Variants in CAPN2 observed in about 807,000 individuals in gnomAD.
CAPN2 encodes the protein calpain-2 catalytic subunit.
In CAPN2, 92 loss-of-function variants were observed where a neutral mutation model predicts 102.3. That is an observed-to-expected ratio of 0.90 (90% CI 0.76 to 1.07). CAPN2 has a LOEUF of 1.07. Ranked by LOEUF, CAPN2 falls within the 50% of genes least tolerant of loss-of-function variation. The pLI, the probability that CAPN2 is intolerant of heterozygous loss-of-function variation, is 0.00. For missense variants in CAPN2, 800 were observed against 909.4 expected (o/e 0.88, Z 1.55); for synonymous variants, 340 against 355.4 (o/e 0.96, Z 0.49).
At chr1:223,773,580 G>A (rs1383023014) in intron 20 of CAPN2, among the ~76,000 whole-genome samples, 1 of 152,140 alleles carries the variant, frequency 6.6e-6, no homozygotes, top group Non-Finnish European at 1.5e-5. Context: ...GTTAATCCCA[G>A]CTACTCGGGA....
chr1:223,720,411 G>A (rs1267124615), intron 2 of CAPN2, among the ~76,000 whole-genome samples: 1 of 149,204 alleles, frequency 6.7e-6, no homozygotes, highest in Non-Finnish European at 1.5e-5. Context: ...GGCCTCCTGG[G>A]CTCGAGTGAT....
intron 2 of CAPN2, among the ~76,000 whole-genome samples, chr1:223,723,681 G>A (rs1179199232): frequency 6.6e-6 from 1 of 151,924 alleles, no homozygotes; most frequent in Non-Finnish European, 1.5e-5. Context: ...TCATCAACAG[G>A]TCCAGGTGAA....
At position 223,749,070 on chromosome 1, in the gene CAPN2, C is replaced by A; in HGVS notation, c.761C>A (p.Thr254Lys). The change falls in exon 6 of 21, where the codon ACG becomes AAG. Residue 254 changes from threonine to lysine, a missense_variant. Transcript: ENST00000295006. ...ITSAADSEAITFQKLVKGHAY... is the reference protein window; with the variant it reads ...ITSAADSEAIKFQKLVKGHAY... ...AGCGCCGCGGACTCGGAGGCCATCACGTTTCAGAAGCTGGTGAAGGGGCAC... is the reference window on the plus strand; with the variant it reads ...AGCGCCGCGGACTCGGAGGCCATCAAGTTTCAGAAGCTGGTGAAGGGGCAC... The A allele has an allele frequency of 6.2e-7, 1 of 1,614,126 alleles. No homozygotes were observed. The highest frequency in any genetic ancestry group is 1.1e-5 in the South Asian group (1 of 91,086).
At chr1:223,768,100 AG>A (rs1661382385) in intron 16 of CAPN2, among the ~76,000 whole-genome samples, 1 of 151,904 alleles carries the variant, frequency 6.6e-6, no homozygotes, top group African/African-American at 2.4e-5. Flanking sequence ...GCCCTTTGTC[AG>A]ATAAGCAGGT....
intron 3 of CAPN2, 145 bp from the exon 4 acceptor site, chr1:223,745,161 G>C (rs1660722060): frequency 2.0e-6 from 2 of 1,000,038 alleles, no homozygotes; most frequent in Admixed American, 4.8e-5. Context: ...GCCTGCATAG[G>C]AGAGTTAAGG....
chr1:223,702,885 A>G, intron 1 of CAPN2, among the ~76,000 whole-genome samples: 1 of 152,322 alleles, frequency 6.6e-6, no homozygotes, highest in African/African-American at 2.4e-5. Context: ...AAGGTGGAAG[A>G]AAAACCAGGA....
chr1:223,755,424 C>T lies in CAPN2; in HGVS notation c.1136-56C>T. On this transcript the variant is annotated intron_variant, in intron 9 of 20. Transcript: ENST00000295006. The surrounding 1 kb of genome is among the most constrained non-coding windows in gnomAD (Gnocchi z 4.1). The stretch of plus-strand genomic sequence containing the variant: ...CCAAGCCTGAGACCAGGGCCACCCC[C>T]CACCCCCATGCATTCCTGCTCAGGG... 6.3e-7 allele frequency: 1 copy of T among 1,592,562 alleles called. No individual in the cohort carries two copies. The highest frequency in any genetic ancestry group is 8.6e-7 in the Non-Finnish European group (1 of 1,164,584).
Position 223,771,924 on chromosome 1 carries a change from CAGTA to C in CAPN2, c.2020+3_2020+6del, listed in dbSNP as rs777409428. On this transcript the variant is annotated splice_donor_variant and splice_donor_region_variant and coding_sequence_variant and intron_variant, in exon 19 of 21. Transcript: ENST00000295006. LOFTEE classifies it high-confidence loss of function. Reference sequence around the variant, plus strand: ...GTTTGGTTCGGCTGGAAACGCTATTCAGTAAGTGGATATTTGGGGAATGACTCAT... The same window carrying C: ...GTTTGGTTCGGCTGGAAACGCTATTCAGTGGATATTTGGGGAATGACTCAT... The C allele has an allele frequency of 4.4e-6, 7 of 1,596,590 alleles. No homozygotes were observed. Among genetic ancestry groups the C allele is most frequent in the Non-Finnish European group, 6.0e-6 (7 of 1,164,166 alleles).
Position 223,755,196 on chromosome 1 carries a change from A to G in CAPN2, c.1136-284A>G, listed in dbSNP as rs985819917. ...TGACCATCTTCTGCCATCCTCTGCC[A>G]TCTCCCACCATCTCCCACTGTCTCC... On this transcript the variant is annotated intron_variant, in intron 9 of 20. Coordinates refer to ENST00000295006, the MANE Select transcript of CAPN2 (RefSeq NM_001748.5). The surrounding 1 kb of genome is among the most constrained non-coding windows in gnomAD (Gnocchi z 4.1). Among the ~76,000 whole-genome samples the G allele has an allele frequency of 6.6e-6, 1 of 151,362 alleles. No individual in the cohort carries two copies. The highest frequency in any genetic ancestry group is 1.5e-5 in the Non-Finnish European group (1 of 67,820).
Position 223,767,783 on chromosome 1 carries a change from T to C in CAPN2, c.1755+1352T>C, listed in dbSNP as rs1429927593. The stretch of plus-strand genomic sequence containing the variant: ...TCGCCACACTGACTTCCACAATGGT[T>C]GAACTAGTTTACAGTCCCACCAACA... On this transcript the variant is annotated intron_variant, in intron 16 of 20. Coordinates refer to ENST00000295006, the MANE Select transcript of CAPN2 (RefSeq NM_001748.5). 9.4e-5 allele frequency among the ~76,000 whole-genome samples: 14 copies of C among 148,202 alleles called. No homozygotes were observed. In the East Asian group the frequency reaches 2.5e-3, roughly 26 times the overall value.
intron 2 of CAPN2, among the ~76,000 whole-genome samples, chr1:223,730,010 CAA>C (rs57382658): frequency 5.1e-5 from 4 of 79,054 alleles, no homozygotes; most frequent in African/African-American, 1.4e-4. Flanking sequence ...CCCAAAAAAC[CAA>C]AAAAAAAAAA....
chr1:223,742,744 C>T (rs1272414728), intron 2 of CAPN2, among the ~76,000 whole-genome samples: 2 of 152,082 alleles, frequency 1.3e-5, no homozygotes, highest in African/African-American at 2.4e-5. Flanking sequence ...CAGTGTCGAG[C>T]TCCTGTGCTC....
rs1660160115 is a variant in CAPN2, at chr1:223,725,265, C to G, written c.307+7434C>G. Among the ~76,000 whole-genome samples, 1 of 152,022 alleles carries G rather than the reference C, an allele frequency of 6.6e-6. No individual in the cohort carries two copies. Among genetic ancestry groups the G allele is most frequent in the African/African-American group, 2.4e-5 (1 of 41,390 alleles). On this transcript the variant is annotated intron_variant, in intron 2 of 20. Transcript: ENST00000295006. This position sits in a 1 kb window ranked among gnomAD's most constrained non-coding sequence, Gnocchi z 4.1. The stretch of plus-strand genomic sequence containing the variant: ...GGGCGTGGTGGCATGCACTTGTAGT[C>G]CCAGCTACTCAGGAGGCTGAGGCAG...
In CAPN2 at chr1:223,731,456, G is replaced by A. The variant is rs950543652; in HGVS notation, c.308-12644G>A. On this transcript the variant is annotated intron_variant, in intron 2 of 20. Coordinates refer to ENST00000295006, the MANE Select transcript of CAPN2 (RefSeq NM_001748.5). This position sits in a 1 kb window ranked among gnomAD's most constrained non-coding sequence, Gnocchi z 4.2. Reference sequence around the variant, plus strand: ...CCTGCTCTTCCTCACCCAGCTCCCCGCTCTAAGCCTTCCTCGCCCACCCCA... The same window carrying A: ...CCTGCTCTTCCTCACCCAGCTCCCCACTCTAAGCCTTCCTCGCCCACCCCA... 6.6e-6 allele frequency among the ~76,000 whole-genome samples: 1 copy of A among 151,602 alleles called. No homozygotes were observed. The highest frequency in any genetic ancestry group is 6.6e-5 in the Admixed American group (1 of 15,224).
chr1:223,761,617 G>C lies in CAPN2; in HGVS notation c.1566G>C (p.Glu522Asp), dbSNP rs753169378. 6.2e-7 allele frequency: 1 copy of C among 1,611,204 alleles called. No homozygotes were observed. Among genetic ancestry groups the C allele is most frequent in the Non-Finnish European group, 8.5e-7 (1 of 1,177,654 alleles). ...VDDEIEANLE[E>D]FDISEDDIDD... ...ATGAAATCGAGGCCAATCTTGAAGA[G>C]GTATTTGTAACTCTTTGAATTTCAC... The change falls in exon 13 of 21, where the codon GAG becomes GAC. Residue 522 changes from glutamate to aspartate, a missense_variant and splice_region_variant. Coordinates refer to ENST00000295006, the MANE Select transcript of CAPN2 (RefSeq NM_001748.5).
intron 14 of CAPN2, among the ~76,000 whole-genome samples, chr1:223,763,931 AAAG>A (rs1661247814): frequency 6.6e-6 from 1 of 152,164 alleles, no homozygotes; most frequent in African/African-American, 2.4e-5. Context: ...GGTGTTCTAA[AAAG>A]AACCAAACCA....
rs1248265698 is a variant in CAPN2 at position 223,727,065 on chromosome 1, G to T, written c.307+9234G>T. On this transcript the variant is annotated intron_variant, in intron 2 of 20. Transcript: ENST00000295006. This position sits in a 1 kb window ranked among gnomAD's most constrained non-coding sequence, Gnocchi z 4.1. Reference sequence around the variant, plus strand: ...AAAATGTGGCTCTCCGCCTTCTTGGGCTGCCTAGGACCTTGAGAGATGTGT... The same window carrying T: ...AAAATGTGGCTCTCCGCCTTCTTGGTCTGCCTAGGACCTTGAGAGATGTGT... 6.6e-6 allele frequency among the ~76,000 whole-genome samples: 1 copy of T among 152,176 alleles called. No homozygotes were observed. The highest frequency in any genetic ancestry group is 1.5e-5 in the Non-Finnish European group (1 of 68,034).
chr1:223,734,766 A>G (rs1660409909), intron 2 of CAPN2, among the ~76,000 whole-genome samples: 1 of 152,224 alleles, frequency 6.6e-6, no homozygotes, highest in Admixed American at 6.5e-5. Flanking sequence ...TTAGCAAATG[A>G]AAAGAGCAAA....
intron 6 of CAPN2, among the ~76,000 whole-genome samples, chr1:223,750,148 T>G (rs1342167361): frequency 6.6e-6 from 1 of 152,224 alleles, no homozygotes; most frequent in East Asian, 1.9e-4. Flanking sequence ...CGTCTTTTTA[T>G]TTGAAAATTT....
Sources: gnomAD v4.1 joint callset for allele counts (sites outside exome capture counted in the v4.1 genomes callset) on GRCh38, gnomAD v4.1.1 for gene constraint, Gnocchi (gnomAD v3.1) non-coding constraint, MANE v1.5 for transcripts, NCBI Gene and HGNC (gene_info 2026-07-23, HGNC 2026-07-21) for gene names.